Variants in GGN observed in about 807,000 individuals in gnomAD.
GGN encodes gametogenetin.
GGN carries 27 observed loss-of-function variants against 35.5 expected under a neutral mutation model. The ratio of observed to expected loss-of-function variants is 0.76; its 90% CI spans 0.56 to 1.05. The LOEUF is 1.05. Ranked by LOEUF, GGN falls within the 50% of genes least tolerant of loss-of-function variation. GGN has a pLI of 0.00. For synonymous variants in GGN, 425 were observed against 444.1 expected (o/e 0.96, Z 0.54); for missense variants, 1,006 against 940.7 (o/e 1.07, Z -0.91).
chr19:38,385,781 G>C lies in GGN; in HGVS notation c.1481C>G (p.Pro494Arg). Reference protein sequence around the residue: ...LPPALAADQAPAPSPAPAPTV... With the variant: ...LPPALAADQARAPSPAPAPTV... ...GGGAGCTGGAGCCGGGGATGGGGCC[G>C]GGGCCTGGTCGGCGGCTAAGGCTGG... The change falls in exon 3 of 4, where the codon CCG becomes CGG. Residue 494 changes from proline to arginine, a missense_variant. By Grantham distance (103) the Pro-to-Arg change is moderately radical (BLOSUM62 -2). Coordinates refer to ENST00000334928, the MANE Select transcript of GGN (RefSeq NM_152657.4). The C allele has an allele frequency of 6.4e-7, 1 of 1,562,250 alleles. No individual in the cohort carries two copies.
In GGN at chr19:38,385,470, A is replaced by G. The variant is rs1490508517; in HGVS notation, c.1792T>C (p.Cys598Arg). 1 of 1,613,942 alleles carries G rather than the reference A, an allele frequency of 6.2e-7. No homozygotes were observed. The highest frequency in any genetic ancestry group is 1.7e-5 in the Admixed American group (1 of 60,004). Residue 598 changes from cysteine to arginine, a missense_variant, in exon 3 of 4, where the codon TGC becomes CGC. By Grantham distance (180) the Cys-to-Arg change is radical. Coordinates refer to ENST00000334928, the MANE Select transcript of GGN (RefSeq NM_152657.4). ...CGGCGATGGCGTGGCTGGTGGTGGC[A>G]GTAACACTTGCAGGGACAGGAGTTA... Reference protein sequence around the residue: ...VLNSCPCKCYCHHQPRHRRLP... With the variant: ...VLNSCPCKCYRHHQPRHRRLP...
In GGN at chr19:38,385,384, G is replaced by C. The variant is rs766463248; in HGVS notation, c.1841+37C>G. 8 of 1,612,174 alleles carry C rather than the reference G, an allele frequency of 5.0e-6. No homozygotes were observed. In the East Asian group the frequency reaches 1.8e-4, roughly 36 times the overall value. On this transcript the variant is annotated intron_variant, in intron 3 of 3. Coordinates refer to ENST00000334928, the MANE Select transcript of GGN (RefSeq NM_152657.4). ...TGAGTAGGACTCTATCCAGCAGTCTGGGGTTCGGCACCCTCCTGTCCCTTC... is the reference window on the plus strand; with the variant it reads ...TGAGTAGGACTCTATCCAGCAGTCTCGGGTTCGGCACCCTCCTGTCCCTTC...
In GGN at chr19:38,385,855, C is replaced by G. The variant is rs113337531; in HGVS notation, c.1407G>C (p.Leu469=). The stretch of plus-strand genomic sequence containing the variant: ...GAGCCAGGGCTGACTCCTTGTGGCC[C>G]AGACCCGGGGTGAGCGGGGGAGCCA... ...LPVAPPLTPG[L]GHKESALAPT... The change falls in exon 3 of 4, where the codon CTG becomes CTC. Residue 469 remains leucine (L), a synonymous_variant. Coordinates refer to ENST00000334928, the MANE Select transcript of GGN (RefSeq NM_152657.4). 27 of 1,543,362 alleles carry G rather than the reference C, an allele frequency of 1.7e-5. No homozygotes were observed. Among genetic ancestry groups the G allele is most frequent in the African/African-American group, 1.6e-4 (12 of 73,124 alleles).
chr19:38,384,317 C>T lies in GGN; in HGVS notation c.*95G>A. On this transcript the variant is annotated 3_prime_UTR_variant, in exon 4 of 4. Transcript: ENST00000334928. ...CGATCCTGCCCTGCTGCACCCTACC[C>T]ACTGCCTTGGCGAGTGATTGACAGG... The T allele has an allele frequency of 2.3e-6, 2 of 878,582 alleles. No homozygotes were observed. The highest frequency in any genetic ancestry group is 2.4e-5 in the East Asian group (1 of 41,112). 54.4% of individuals were successfully genotyped at this position (878,582 alleles called of 1,614,324 possible).
In GGN at chr19:38,386,177, C is replaced by T. The variant is rs774896542; in HGVS notation, c.1085G>A (p.Arg362His). The change falls in exon 3 of 4, where the codon CGC becomes CAC. Residue 362 changes from arginine (R) to histidine (H), a missense_variant. By Grantham distance (29) the Arg-to-His change is conservative (BLOSUM62 0). Coordinates refer to ENST00000334928, the MANE Select transcript of GGN (RefSeq NM_152657.4). ...DWVSAPDGPE[R>H]HFRFNGAGGG... ...GCCAGCCCCGTTGAAGCGGAAGTGGCGTTCAGGGCCGTCGGGAGCGCTAAC... is the reference window on the plus strand; with the variant it reads ...GCCAGCCCCGTTGAAGCGGAAGTGGTGTTCAGGGCCGTCGGGAGCGCTAAC... The T allele has an allele frequency of 3.4e-5, 54 of 1,596,896 alleles. No homozygotes were observed. Among genetic ancestry groups the T allele is most frequent in the African/African-American group, 1.3e-4 (10 of 74,744 alleles).
At position 38,387,319 on chromosome 19, in the gene GGN, C is replaced by T. The variant is rs992354169; in HGVS notation, c.-19-39G>A. 36 of 1,507,026 alleles carry T rather than the reference C, an allele frequency of 2.4e-5. No homozygotes were observed. The highest frequency in any genetic ancestry group is 5.5e-5 in the African/African-American group (4 of 72,218). 93.4% of individuals were successfully genotyped at this position (1,507,026 alleles called of 1,614,324 possible). A position where few individuals can be genotyped will look rare whatever the true frequency, so the allele number is the denominator to read the frequency against. On this transcript the variant is annotated intron_variant, in intron 2 of 3. Coordinates refer to ENST00000334928, the MANE Select transcript of GGN (RefSeq NM_152657.4). The surrounding 1 kb of genome is among the most constrained non-coding windows in gnomAD (Gnocchi z 5.3). ...TTTACTCCAGTCAGCCTGCCAGGGC[C>T]GTGGGGACCCTACGAGGCTGGCTGT...
In GGN at chr19:38,385,562, C is replaced by T. The variant is rs61742630; in HGVS notation, c.1700G>A (p.Ser567Asn). 45,861 of 1,614,044 alleles carry T rather than the reference C, an allele frequency of 0.028. 950 individuals carry two copies. The highest frequency in any genetic ancestry group is 0.03 in the Non-Finnish European group (34,934 of 1,179,988). The change falls in exon 3 of 4, where the codon AGC becomes AAC. Residue 567 changes from serine to asparagine, a missense_variant. By Grantham distance (46) the Ser-to-Asn change is conservative. Transcript: ENST00000334928. Reference sequence around the variant, plus strand: ...AGCTGCCCCAGTCTGAGAGGCCCCGCTGCCACCACCCCCTCCACCACTGCT... The same window carrying T: ...AGCTGCCCCAGTCTGAGAGGCCCCGTTGCCACCACCCCCTCCACCACTGCT... ...PDSSGGGGGG[S>N]GASQTGAANT...
Position 38,385,572 on chromosome 19 carries a change from C to G in GGN, c.1690G>C (p.Gly564Arg). The G allele has an allele frequency of 6.2e-7, 1 of 1,614,142 alleles. No individual in the cohort carries two copies. Among genetic ancestry groups the G allele is most frequent in the Non-Finnish European group, 8.5e-7 (1 of 1,180,030 alleles). ...GTCTGAGAGGCCCCGCTGCCACCAC[C>G]CCCTCCACCACTGCTGTCAGGCACG... Reference protein sequence around the residue: ...ATVPDSSGGGGGGSGASQTGA... With the variant: ...ATVPDSSGGGRGGSGASQTGA... Residue 564 changes from glycine (G) to arginine (R), a missense_variant, in exon 3 of 4, where the codon GGT (glycine) becomes CGT (arginine). Physicochemically the swap from Gly to Arg is moderately radical, Grantham distance 125. Transcript: ENST00000334928.
rs1970672709 is a variant in GGN, at chr19:38,384,272, T to C, written c.*140A>G. On this transcript the variant is annotated 3_prime_UTR_variant, in exon 4 of 4. Coordinates refer to ENST00000334928, the MANE Select transcript of GGN (RefSeq NM_152657.4). Reference sequence around the variant, plus strand: ...GCTCTGGTCCAGCTTCACGATTGTTTCCAAGATGTGCTTTAATGGCGATCC... The same window carrying C: ...GCTCTGGTCCAGCTTCACGATTGTTCCCAAGATGTGCTTTAATGGCGATCC... The C allele has an allele frequency of 7.1e-6, 5 of 699,306 alleles. No individual in the cohort carries two copies. The highest frequency in any genetic ancestry group is 2.1e-5 in the Admixed American group (1 of 47,546). The allele number at this position is 699,306 out of a possible 1,614,324, so 43.3% of individuals were successfully genotyped here.
At position 38,387,586 on chromosome 19, in the gene GGN, C is replaced by G. The variant is rs1192028037; in HGVS notation, c.-20+175G>C. ...CCTCTCCTCTAACTCTCCGACTCCC[C>G]GCCTCTCTCTAGAGCACCTGGGTCC... On this transcript the variant is annotated intron_variant, in intron 2 of 3. Transcript: ENST00000334928. This position sits in a 1 kb window ranked among gnomAD's most constrained non-coding sequence, Gnocchi z 5.3. Among the ~76,000 whole-genome samples, 2 of 152,192 alleles carry G rather than the reference C, an allele frequency of 1.3e-5. No individual in the cohort carries two copies. Among genetic ancestry groups the G allele is most frequent in the Non-Finnish European group, 2.9e-5 (2 of 68,008 alleles).
At position 38,385,481 on chromosome 19, in the gene GGN, C is replaced by T. The variant is rs374524470; in HGVS notation, c.1781G>A (p.Cys594Tyr). ...TGGCTGGTGGTGGCAGTAACACTTG[C>T]AGGGACAGGAGTTAAGCACCTGGAA... ...LPFQVLNSCP[C>Y]KCYCHHQPRH... Residue 594 changes from cysteine to tyrosine, a missense_variant, in exon 3 of 4, where the codon TGC becomes TAC. Transcript: ENST00000334928. 16 of 1,613,940 alleles carry T rather than the reference C, an allele frequency of 9.9e-6. No individual in the cohort carries two copies. The highest frequency in any genetic ancestry group is 1.3e-5 in the African/African-American group (1 of 74,934).
intron 3 of GGN, among the ~76,000 whole-genome samples, chr19:38,384,932 CAGG>C (rs1393540226): frequency 2.6e-5 from 4 of 152,192 alleles, no homozygotes; most frequent in African/African-American, 4.8e-5. Context: ...GTCCCAGAGT[CAGG>C]AGAAGTCCTC....
Position 38,386,544 on chromosome 19 carries a change from T to C in GGN, c.718A>G (p.Ser240Gly). The change falls in exon 3 of 4, where the codon AGC (serine) becomes GGC (glycine). Residue 240 changes from serine to glycine, a missense_variant. Coordinates refer to ENST00000334928, the MANE Select transcript of GGN (RefSeq NM_152657.4). Reference protein sequence around the residue: ...AQPADSESGLSLLCKITFKSR... With the variant: ...AQPADSESGLGLLCKITFKSR... ...TTGAAGGTGATTTTACACAGCAGGC[T>C]CAGACCGGACTCGGAATCCGCAGGC... 1.2e-6 allele frequency: 2 copies of C among 1,613,440 alleles called. No individual in the cohort carries two copies. The highest frequency in any genetic ancestry group is 2.2e-5 in the South Asian group (2 of 91,092).
intron 3 of GGN, 152 bp downstream of exon 3, chr19:38,385,269 C>G: frequency 9.4e-7 from 1 of 1,068,652 alleles, no homozygotes; most frequent in Non-Finnish European, 1.3e-6. Flanking sequence ...CATGGGTCCT[C>G]TTGGTCCTGA....
In GGN at chr19:38,385,647, G is replaced by A. The variant is rs760209468; in HGVS notation, c.1615C>T (p.Arg539Cys). The A allele has an allele frequency of 6.8e-6, 11 of 1,613,992 alleles. No homozygotes were observed. Among genetic ancestry groups the A allele is most frequent in the South Asian group, 2.2e-5 (2 of 91,088 alleles). The part of the protein sequence containing the change: ...KGSRAARGAT[R>C]KDGLHGDGPR... ...CCATCTCCATGCAAGCCATCCTTAC[G>A]GGTCGCGCCCCGGGCTGCACGGGAA... The change falls in exon 3 of 4, where the codon CGT becomes TGT. Residue 539 changes from arginine to cysteine, a missense_variant. Coordinates refer to ENST00000334928, the MANE Select transcript of GGN (RefSeq NM_152657.4).
At position 38,386,308 on chromosome 19, in the gene GGN, G is replaced by A. The variant is rs1441406965; in HGVS notation, c.954C>T (p.Asp318=). ...GAQEAEGGDG[D]GEGCSGPPSA... is the part of the protein sequence containing the mutation. ...AGGGAGGACCAGAGCACCCTTCGCCGTCTCCATCACCTCCCTCGGCTTCCT... is the reference window on the plus strand; with the variant it reads ...AGGGAGGACCAGAGCACCCTTCGCCATCTCCATCACCTCCCTCGGCTTCCT... The change falls in exon 3 of 4, where the codon GAC becomes GAT. Residue 318 remains aspartate, a synonymous_variant. Transcript: ENST00000334928. The A allele has an allele frequency of 1.2e-6, 2 of 1,610,696 alleles. No individual in the cohort carries two copies. Among genetic ancestry groups the A allele is most frequent in the Admixed American group, 1.7e-5 (1 of 59,660 alleles).
rs998967452 is a variant in GGN, at chr19:38,385,882, C to A, written c.1380G>T (p.Pro460=). ...QPPALQPTPL[P]VAPPLTPGLG... is the part of the protein sequence containing the mutation. ...GACCCGGGGTGAGCGGGGGAGCCAC[C>A]GGCAGCGGCGTTGGCTGGAGCGCTG... Residue 460 remains proline, a synonymous_variant, in exon 3 of 4, where the codon CCG becomes CCT. Transcript: ENST00000334928. 6.5e-7 allele frequency: 1 copy of A among 1,550,004 alleles called. No homozygotes were observed. The highest frequency in any genetic ancestry group is 8.7e-7 in the Non-Finnish European group (1 of 1,150,140).
rs1412498657 is a variant in GGN at position 38,384,493 on chromosome 19, G to C, written c.1878C>G (p.Pro626=). 1 of 1,613,958 alleles carries C rather than the reference G, an allele frequency of 6.2e-7. No homozygotes were observed. The highest frequency in any genetic ancestry group is 8.5e-7 in the Non-Finnish European group (1 of 1,180,008). The change falls in exon 4 of 4, where the codon CCC becomes CCG. Residue 626 remains proline (P), a synonymous_variant. Transcript: ENST00000334928. ...CGGACAGCTTGATGGTGGCAACCCA[G>C]GGTGGCTCGCCCAGGTGGTTGGTGG... ...STSTNHLGEP[P]WVATIKLSGS...
At position 38,385,990 on chromosome 19, in the gene GGN, GC is replaced by G. The variant is rs751658286; in HGVS notation, c.1271del (p.Gly424AlafsTer65). The G allele has an allele frequency of 8.1e-6, 13 of 1,607,064 alleles. No homozygotes were observed. The highest frequency in any genetic ancestry group is 1.7e-4 in the Middle Eastern group (1 of 5,944). ...CTGGAGGCCCCGGGCGCATGGGCTC[GC>G]CATTGGTGGGTGCTGGGAAGATGAA... The part of the protein sequence containing the change: ...PTFIFPAPTN[G>X]EPMRPGPPGL... On this transcript the variant is annotated frameshift_variant, in exon 3 of 4. Transcript: ENST00000334928. LOFTEE classifies it high-confidence loss of function.
Sources: allele counts gnomAD v4.1 joint callset (sites outside exome capture counted in the v4.1 genomes callset), GRCh38; gene constraint gnomAD v4.1.1; non-coding constraint Gnocchi (gnomAD v3.1); transcripts MANE v1.5; gene names NCBI Gene and HGNC (gene_info 2026-07-23, HGNC 2026-07-21).